Variants in SGCD observed in about 807,000 individuals in gnomAD.
The protein encoded by SGCD is sarcoglycan delta.
A neutral mutation model predicts 36.6 loss-of-function variants in SGCD; 18 were observed. The observed-to-expected ratio is 0.49, with a 90% CI of 0.34 to 0.73. The LOEUF (loss-of-function observed/expected upper bound fraction) is 0.73, where lower values mean the gene tolerates loss of function less well. Ranked by LOEUF, SGCD falls within the 30% of genes least tolerant of loss-of-function variation. SGCD has a pLI of 0.01. For missense variants in SGCD, 387 were observed against 346.7 expected, an observed-to-expected ratio of 1.12 and a Z score of -0.92; for synonymous variants, 133 against 130.6, an observed-to-expected ratio of 1.02 and a Z score of -0.12.
intron 6 of SGCD, among the ~76,000 whole-genome samples, chr5:156,616,027 C>G (rs551965739): frequency 5.2e-4 from 79 of 152,262 alleles, no homozygotes; most frequent in African/African-American, 1.8e-3. Context: ...AATTTATTGC[C>G]TCATGTGATT....
At chr5:155,791,555 G>C in the SGCD span, among the ~76,000 whole-genome samples, 1 of 152,140 alleles carries the variant, frequency 6.6e-6, no homozygotes, top group Non-Finnish European at 1.5e-5. Flanking sequence ...CATGAATTCA[G>C]TAACATTTCA....
intron 3 of SGCD, among the ~76,000 whole-genome samples, chr5:156,474,084 T>C (rs989261587): frequency 3.3e-5 from 5 of 151,924 alleles, no homozygotes; most frequent in African/African-American, 4.8e-5. Context: ...GCACTTTGTC[T>C]CCCACAAGAC....
intron 6 of SGCD, among the ~76,000 whole-genome samples, chr5:156,640,727 G>T (rs1762996535): frequency 6.6e-6 from 1 of 152,114 alleles, no homozygotes; most frequent in Non-Finnish European, 1.5e-5. Context: ...ATAAATATTT[G>T]TTGAATGAAT....
intron 3 of SGCD, among the ~76,000 whole-genome samples, chr5:156,273,217 C>A (rs539059524): frequency 6.6e-6 from 1 of 152,278 alleles, no homozygotes; most frequent in Admixed American, 6.5e-5. Flanking sequence ...CCCCAGGGCC[C>A]CTCTCTTCCC....
At chr5:156,331,114 CAA>C (rs1054515274) in intron 2 of SGCD, among the ~76,000 whole-genome samples, 5 of 152,202 alleles carry the variant, frequency 3.3e-5, no homozygotes, top group African/African-American at 1.2e-4. Context: ...CAAGGTAAAA[CAA>C]AGAGTTCAAA....
At chr5:156,215,923 G>A (rs1424360073) in intron 3 of SGCD, among the ~76,000 whole-genome samples, 1 of 152,136 alleles carries the variant, frequency 6.6e-6, no homozygotes, top group Non-Finnish European at 1.5e-5. Flanking sequence ...AGCCTGACAG[G>A]AAATCAAACA....
chr5:156,685,447 G>T (rs142533001), intron 7 of SGCD, among the ~76,000 whole-genome samples: 5 of 152,308 alleles, frequency 3.3e-5, no homozygotes, highest in African/African-American at 1.2e-4. Context: ...ATGCTGTCTA[G>T]AATGCTTTAG....
the SGCD span, among the ~76,000 whole-genome samples, chr5:155,836,472 C>T: frequency 2.7e-5 from 3 of 111,094 alleles, no homozygotes; most frequent in South Asian, 6.1e-4. Flanking sequence ...TGATACCCAC[C>T]CCCGCCCCGC....
chr5:156,033,347 C>T (rs1284653060), intron 1 of SGCD, among the ~76,000 whole-genome samples: 1 of 152,094 alleles, frequency 6.6e-6, no homozygotes, highest in Non-Finnish European at 1.5e-5. Context: ...AAATAGTGAA[C>T]ACTATACTTA....
chr5:156,117,210 A>G (rs1015374013), intron 1 of SGCD, among the ~76,000 whole-genome samples: 2 of 152,092 alleles, frequency 1.3e-5, no homozygotes, highest in African/African-American at 4.8e-5. Flanking sequence ...AATTTGGTCT[A>G]GTAGGGAAGA....
chr5:156,068,015 T>C (rs1405738438), intron 1 of SGCD, among the ~76,000 whole-genome samples: 1 of 151,982 alleles, frequency 6.6e-6, no homozygotes, highest in African/African-American at 2.4e-5. Context: ...GAAATTTTGT[T>C]GAAACAAGTA....
chr5:156,736,922 C>T (rs376617764), intron 7 of SGCD, among the ~76,000 whole-genome samples: 5 of 152,140 alleles, frequency 3.3e-5, no homozygotes, highest in Non-Finnish European at 7.4e-5. Context: ...ACCTCCATAT[C>T]GCTTTTAAAT....
chr5:156,256,183 T>G (rs965293836), intron 3 of SGCD, among the ~76,000 whole-genome samples: 1 of 90,132 alleles, frequency 1.1e-5, no homozygotes, highest in African/African-American at 5.0e-5. Flanking sequence ...CTTTTCTTGT[T>G]TCAGAATAAA....
chr5:155,777,006 C>A, the SGCD span, among the ~76,000 whole-genome samples: 2 of 152,072 alleles, frequency 1.3e-5, no homozygotes, highest in Non-Finnish European at 2.9e-5. Flanking sequence ...ATGGGTACTT[C>A]AATAAATATG....
At chr5:155,840,927 C>T in the SGCD span, among the ~76,000 whole-genome samples, 1 of 142,284 alleles carries the variant, frequency 7.0e-6, no homozygotes, top group Non-Finnish European at 1.5e-5. Context: ...AGGAGAATTG[C>T]TTAAACCTGG....
chr5:156,366,696 C>T (rs1770125179), intron 3 of SGCD, among the ~76,000 whole-genome samples: 1 of 152,090 alleles, frequency 6.6e-6, no homozygotes, highest in Non-Finnish European at 1.5e-5. Flanking sequence ...CAATGAAGAA[C>T]ATTCTTCTGA....
intron 6 of SGCD, among the ~76,000 whole-genome samples, chr5:156,624,593 T>C (rs1043513319): frequency 5.9e-5 from 9 of 151,954 alleles, no homozygotes; most frequent in Non-Finnish European, 1.3e-4. Context: ...AAAATAAAAA[T>C]AAAATATAAA....
intron 1 of SGCD, among the ~76,000 whole-genome samples, chr5:156,062,223 G>A (rs374267778): frequency 2.8e-5 from 2 of 71,456 alleles, no homozygotes; most frequent in South Asian, 4.4e-4. Flanking sequence ...GAGAATGATG[G>A]TTTCCAATTT....
the SGCD span, among the ~76,000 whole-genome samples, chr5:155,859,389 T>C: frequency 1.3e-5 from 2 of 152,126 alleles, no homozygotes; most frequent in Non-Finnish European, 2.9e-5. Flanking sequence ...TCTTGAGGTA[T>C]GATTTACACA....
Sources: gnomAD v4.1 joint callset for allele counts (sites outside exome capture counted in the v4.1 genomes callset) on GRCh38, gnomAD v4.1.1 for gene constraint, MANE v1.5 for transcripts, NCBI Gene and HGNC (gene_info 2026-07-23, HGNC 2026-07-21) for gene names.